Variants in NCAPG2 observed in about 807,000 individuals in gnomAD.
NCAPG2 encodes non-SMC condensin II complex subunit G2.
NCAPG2 carries 53 observed loss-of-function variants against 141.1 expected under a neutral mutation model. The observed-to-expected ratio is 0.38, with a 90% CI of 0.30 to 0.47. The LOEUF (loss-of-function observed/expected upper bound fraction) is 0.47, where lower values mean the gene tolerates loss of function less well. Ranked by LOEUF, NCAPG2 falls within the 20% of genes least tolerant of loss-of-function variation. NCAPG2 has a pLI of 0.99. For synonymous variants in NCAPG2, 499 were observed against 490.7 expected (o/e 1.02, Z -0.22); for missense variants, 1,087 against 1,389.0 (o/e 0.78, Z 3.46).
intron 11 of NCAPG2, among the ~76,000 whole-genome samples, 200 bp from the exon 12 acceptor site, chr7:158,675,856 T>C (rs1391791874): frequency 6.6e-6 from 1 of 152,146 alleles, no homozygotes; most frequent in Non-Finnish European, 1.5e-5. Context: ...GCCAGAAACA[T>C]GGGGTGCCTC....
At chr7:158,696,445 C>T (rs1380691965) in intron 2 of NCAPG2, 1 of 152,104 alleles carries the variant, frequency 6.6e-6, no homozygotes, top group African/African-American at 2.4e-5. Flanking sequence ...GTTAAATTTC[C>T]TGATTTTGAG....
intron 12 of NCAPG2, among the ~76,000 whole-genome samples, chr7:158,674,637 G>A (rs1833944328): frequency 6.6e-6 from 1 of 152,248 alleles, no homozygotes; most frequent in East Asian, 1.9e-4. Flanking sequence ...TTCCTGAGAA[G>A]TGGGGAGGAA....
At chr7:158,641,591 ATATACCATGCTTATTCT>A (rs1446229223) in intron 27 of NCAPG2, 1 of 608,576 alleles carries the variant, frequency 1.6e-6, no homozygotes, top group African/African-American at 1.9e-5. Context: ...GAATAAAAAG[ATATACCATGCTTATTCT>A]AATCAAAACA....
intron 11 of NCAPG2, among the ~76,000 whole-genome samples, 159 bp downstream of exon 11, chr7:158,679,801 G>A (rs866709961): frequency 2.0e-5 from 3 of 152,246 alleles, no homozygotes; most frequent in African/African-American, 7.2e-5. Context: ...CCAGGGAGAA[G>A]TGGCATCTCT....
chr7:158,642,379 A>T (rs981399235), intron 27 of NCAPG2, among the ~76,000 whole-genome samples: 23 of 152,090 alleles, frequency 1.5e-4, no homozygotes, highest in East Asian at 3.9e-4. Flanking sequence ...CTGCAAAAAA[A>T]TTTTTTTCAT....
intron 12 of NCAPG2, among the ~76,000 whole-genome samples, chr7:158,673,833 G>A (rs1242202230): frequency 6.6e-6 from 1 of 152,200 alleles, no homozygotes; most frequent in African/African-American, 2.4e-5. Flanking sequence ...CCAAAGACCA[G>A]GAGGAAGAAG....
chr7:158,676,100 T>A (rs1364756953), intron 11 of NCAPG2, among the ~76,000 whole-genome samples: 2 of 152,074 alleles, frequency 1.3e-5, no homozygotes, highest in Admixed American at 1.3e-4. Context: ...AAACAGACAA[T>A]GAGGCAATAA....
chr7:158,693,594 T>C, intron 2 of NCAPG2, 97 bp from the exon 3 acceptor site: 4 of 1,078,406 alleles, frequency 3.7e-6, no homozygotes, highest in South Asian at 1.7e-5. Flanking sequence ...GTTAACTTCA[T>C]TACAAGTTCA....
intron 23 of NCAPG2, among the ~76,000 whole-genome samples, chr7:158,651,892 A>G (rs571999164): frequency 6.6e-6 from 1 of 152,208 alleles, no homozygotes; most frequent in Non-Finnish European, 1.5e-5. Flanking sequence ...GCATCTTTCA[A>G]AAGAAAGGTA....
At chr7:158,667,095 T>C (rs968115188) in intron 13 of NCAPG2, 572 of 976,080 alleles carry the variant, frequency 5.9e-4, no homozygotes, top group Non-Finnish European at 6.8e-4. Flanking sequence ...TTCTGTAACC[T>C]TAACTTTCAA....
intron 4 of NCAPG2, among the ~76,000 whole-genome samples, chr7:158,692,357 T>C (rs1045977296): frequency 6.6e-6 from 1 of 152,296 alleles, no homozygotes; most frequent in Non-Finnish European, 1.5e-5. Flanking sequence ...ACAACTCTTA[T>C]GTAAGTATGC....
rs1831550825 is a variant in NCAPG2, at chr7:158,652,309, G to A, written c.2918C>T (p.Pro973Leu). 2.5e-6 allele frequency: 4 copies of A among 1,613,438 alleles called. No homozygotes were observed. The highest frequency in any genetic ancestry group is 1.3e-5 in the African/African-American group (1 of 74,986). The part of the protein sequence containing the change: ...ECIARSFRKQ[P>L]EEGLRLLYSV... ...TCTGAGTACCCGCAGGCCTTCTTCC[G>A]GCTGCTTCCTGAAGCTCCGTGCAAT... The change falls in exon 23 of 28, where the codon CCG becomes CTG. Residue 973 changes from proline to leucine, a missense_variant. By Grantham distance (98) the Pro-to-Leu change is moderately conservative. Transcript: ENST00000356309.
chr7:158,658,766 GA>G (rs1272715978), intron 16 of NCAPG2, among the ~76,000 whole-genome samples: 2 of 151,808 alleles, frequency 1.3e-5, no homozygotes, highest in East Asian at 1.9e-4. Context: ...CTGATGAAAT[GA>G]AAAAAAATTA....
At chr7:158,673,111 G>T (rs1176950789) in intron 12 of NCAPG2, among the ~76,000 whole-genome samples, 2 of 152,232 alleles carry the variant, frequency 1.3e-5, no homozygotes, top group African/African-American at 4.8e-5. Context: ...GAAGGAGCAG[G>T]TGAACCTCAG....
intron 27 of NCAPG2, among the ~76,000 whole-genome samples, chr7:158,642,971 T>C (rs1276548817): frequency 1.3e-5 from 2 of 152,188 alleles, no homozygotes; most frequent in Non-Finnish European, 2.9e-5. Context: ...TACTTTTATT[T>C]ATTTTTTTCA....
At chr7:158,703,375 T>G (rs1167477529) in intron 1 of NCAPG2, among the ~76,000 whole-genome samples, 1 of 152,234 alleles carries the variant, frequency 6.6e-6, no homozygotes, top group Non-Finnish European at 1.5e-5. Context: ...CTCTCCACTT[T>G]TTCATAGTTC....
intron 10 of NCAPG2, 63 bp downstream of exon 10, chr7:158,680,658 T>C: frequency 9.3e-7 from 1 of 1,070,942 alleles, no homozygotes; most frequent in Non-Finnish European, 1.3e-6. Context: ...GACTTAGAGT[T>C]TGCTAAATTC....
intron 11 of NCAPG2, among the ~76,000 whole-genome samples, chr7:158,679,537 A>C (rs898206601): frequency 3.9e-5 from 6 of 152,072 alleles, no homozygotes; most frequent in Admixed American, 2.0e-4. Context: ...AATCACACTT[A>C]CAGAGAAAGA....
chr7:158,651,747 G>A (rs993539870), intron 23 of NCAPG2, among the ~76,000 whole-genome samples: 1 of 152,170 alleles, frequency 6.6e-6, no homozygotes, highest in African/African-American at 2.4e-5. Context: ...GCAAAGGGAA[G>A]CCACGGGCCC....
Sources: gnomAD v4.1 joint callset for allele counts (sites outside exome capture counted in the v4.1 genomes callset) on GRCh38, gnomAD v4.1.1 for gene constraint, MANE v1.5 for transcripts, NCBI Gene and HGNC (gene_info 2026-07-23, HGNC 2026-07-21) for gene names.